TBC1D8: variants seen among roughly 807,000 people sequenced by gnomAD.
TBC1D8 encodes the protein TBC1 domain family member 8.
TBC1D8 carries 65 observed loss-of-function variants against 118.8 expected under a neutral mutation model. The ratio of observed to expected loss-of-function variants is 0.55; its 90% CI spans 0.45 to 0.67. The LOEUF (loss-of-function observed/expected upper bound fraction) is 0.67, where lower values mean the gene tolerates loss of function less well. Ranked by LOEUF, TBC1D8 falls within the 30% of genes least tolerant of loss-of-function variation. The pLI, the probability that TBC1D8 is intolerant of heterozygous loss-of-function variation, is 0.00. For missense variants in TBC1D8, 1,376 were observed against 1,471.2 expected (o/e 0.94, Z 1.06); for synonymous variants, 566 against 595.8 (o/e 0.95, Z 0.73).
chr2:101,023,650 C>A (rs1158170830), intron 15 of TBC1D8: 2 of 427,450 alleles, frequency 4.7e-6, no homozygotes, highest in Non-Finnish European at 9.5e-6. Context: ...GAGTTGAAGT[C>A]TTGGGAATAG....
chr2:101,022,182 T>G, intron 16 of TBC1D8, 99 bp downstream of exon 16: 1 of 1,557,682 alleles, frequency 6.4e-7, no homozygotes. Context: ...ACAAAAGTGT[T>G]ACACCATGTG....
rs186573366 is a variant in TBC1D8 at position 101,076,962 on chromosome 2, G to T, written c.283+13247C>A. 3.6e-3 allele frequency among the ~76,000 whole-genome samples: 555 copies of T among 152,268 alleles called. 6 individuals are homozygous for T. The highest frequency in any genetic ancestry group is 0.011 in the African/African-American group (475 of 41,542). On this transcript the variant is annotated intron_variant, in intron 2 of 19. Coordinates refer to ENST00000409318, the MANE Select transcript of TBC1D8 (RefSeq NM_001330348.2). ...TTCCAATCATGCTGGAAGGCAAAGG[G>T]GGACATTTCACATGGTGGGAGCAGG...
chr2:101,107,145 A>T (rs1677274038), intron 1 of TBC1D8, among the ~76,000 whole-genome samples: 1 of 152,172 alleles, frequency 6.6e-6, no homozygotes, highest in Admixed American at 6.5e-5. Flanking sequence ...CTGCAGTAGG[A>T]GCTTATAGAC....
intron 9 of TBC1D8, among the ~76,000 whole-genome samples, chr2:101,034,910 G>A (rs2105392937): frequency 6.6e-6 from 1 of 152,324 alleles, no homozygotes; most frequent in South Asian, 2.1e-4. Flanking sequence ...GAGATGAGGG[G>A]CGCAGTGGTG....
rs149925100 is a variant in TBC1D8, at chr2:101,051,026, G to A, written c.632-385C>T. On this transcript the variant is annotated intron_variant, in intron 4 of 19. Coordinates refer to ENST00000409318, the MANE Select transcript of TBC1D8 (RefSeq NM_001330348.2). ...AACATGCGGTATTTGGTTTTCTTGC[G>A]TGTTAATTTGCAAAGCATAATGGCC... Among the ~76,000 whole-genome samples, 271 of 152,242 alleles carry A rather than the reference G, an allele frequency of 1.8e-3. 3 individuals carry two copies. The highest frequency in any genetic ancestry group is 4.6e-3 in the East Asian group (24 of 5,174).
intron 2 of TBC1D8, among the ~76,000 whole-genome samples, chr2:101,059,970 G>A (rs1682669481): frequency 6.6e-6 from 1 of 152,128 alleles, no homozygotes; most frequent in African/African-American, 2.4e-5. Flanking sequence ...CTCATACCCT[G>A]GGCCACAGTT....
rs1037521390 is a variant in TBC1D8 at position 101,135,257 on chromosome 2, A to G, written c.127+15870T>C. Among the ~76,000 whole-genome samples, 3 of 152,372 alleles carry G rather than the reference A, an allele frequency of 2.0e-5. No homozygotes were observed. The East Asian group carries it at 5.8e-4, about 29-fold the overall frequency. ...TTGTCAAAGAGAACCTTCCAGTTCT[A>G]CAAGAGGCTCTCCAACCCCTTTTCT... is the stretch of plus-strand genomic sequence containing the variant. On this transcript the variant is annotated intron_variant, in intron 1 of 19. Coordinates refer to ENST00000409318, the MANE Select transcript of TBC1D8 (RefSeq NM_001330348.2).
chr2:101,053,507 A>G (rs1279848148), intron 4 of TBC1D8, among the ~76,000 whole-genome samples: 1 of 152,234 alleles, frequency 6.6e-6, no homozygotes, highest in Non-Finnish European at 1.5e-5. Context: ...CACTTGAAAC[A>G]ATATTTGGTT....
intron 19 of TBC1D8, among the ~76,000 whole-genome samples, chr2:101,009,799 CTT>C (rs1431446422): frequency 6.6e-6 from 1 of 150,824 alleles, no homozygotes; most frequent in Non-Finnish European, 1.5e-5. Context: ...ACCAAAATGA[CTT>C]AAGTCCTATA....
At chr2:101,137,616 T>C (rs925442421) in intron 1 of TBC1D8, among the ~76,000 whole-genome samples, 3 of 152,220 alleles carry the variant, frequency 2.0e-5, no homozygotes, top group African/African-American at 7.2e-5. Flanking sequence ...ATAGTCCTTC[T>C]GGAAATAGAT....
intron 2 of TBC1D8, among the ~76,000 whole-genome samples, chr2:101,079,522 G>A (rs143125674): frequency 8.0e-5 from 12 of 150,556 alleles, no homozygotes; most frequent in South Asian, 2.1e-4. Flanking sequence ...CTACAGGTGC[G>A]CTCCACCACG....
At chr2:101,096,417 G>GAAAAA (rs1676425356) in intron 1 of TBC1D8, among the ~76,000 whole-genome samples, 1 of 4,822 alleles carries the variant, frequency 2.1e-4, no homozygotes, top group Admixed American at 3.0e-3. Context: ...TCTGGCTTTT[G>GAAAAA]ACAAAAAAAA....
intron 2 of TBC1D8, among the ~76,000 whole-genome samples, chr2:101,086,286 A>C (rs1311391151): frequency 6.6e-6 from 1 of 152,238 alleles, no homozygotes; most frequent in African/African-American, 2.4e-5. Flanking sequence ...AACAAAAAAC[A>C]GAAATGAAAA....
intron 2 of TBC1D8, among the ~76,000 whole-genome samples, chr2:101,065,206 C>G (rs568058849): frequency 6.6e-6 from 1 of 152,324 alleles, no homozygotes; most frequent in South Asian, 2.1e-4. Flanking sequence ...TAAGTGCCTT[C>G]TCCAGCCACC....
chr2:101,051,330 C>A (rs1682061588), intron 4 of TBC1D8, among the ~76,000 whole-genome samples: 1 of 152,130 alleles, frequency 6.6e-6, no homozygotes, highest in Admixed American at 6.6e-5. Flanking sequence ...GAAGAATTGC[C>A]ACACTGTTTT....
Position 101,027,973 on chromosome 2 carries a change from T to C in TBC1D8, c.2451+75A>G, listed in dbSNP as rs1460800157. On this transcript the variant is annotated intron_variant, in intron 14 of 19. Transcript: ENST00000409318. ...ACATTTTTCAAAGCTGGCATTCTTATGACCAAAAAGGATGCGCACTCCCAG... is the reference window on the plus strand; with the variant it reads ...ACATTTTTCAAAGCTGGCATTCTTACGACCAAAAAGGATGCGCACTCCCAG... 12 of 1,344,440 alleles carry C rather than the reference T, an allele frequency of 8.9e-6. No homozygotes were observed. In the Admixed American group the frequency reaches 1.3e-4, roughly 15 times the overall value. The allele number at this position is 1,344,440 out of a possible 1,614,324, so 83.3% of individuals were successfully genotyped here.
intron 4 of TBC1D8, 64 bp from the exon 5 acceptor site, chr2:101,050,705 A>G: frequency 1.3e-6 from 2 of 1,576,474 alleles, no homozygotes; most frequent in South Asian, 2.3e-5. Flanking sequence ...TGAGTGTGTC[A>G]GCAAGCAACT....
At position 101,040,304 on chromosome 2, in the gene TBC1D8, C is replaced by G; in HGVS notation, c.954G>C (p.Val318=). ...TGAACGGCGTCCAGAGCGAACAGTC[C>G]ACAACCGCGTGCAGCTTCTCCTTCC... ...LPRKEKLHAV[V]DCSLWTPFSR... The change falls in exon 6 of 20, where the codon GTG becomes GTC. Residue 318 remains valine (V), a synonymous_variant. Coordinates refer to ENST00000409318, the MANE Select transcript of TBC1D8 (RefSeq NM_001330348.2). 1 of 1,614,002 alleles carries G rather than the reference C, an allele frequency of 6.2e-7. No homozygotes were observed. Among genetic ancestry groups the G allele is most frequent in the Non-Finnish European group, 8.5e-7 (1 of 1,179,896 alleles).
At chr2:101,080,212 T>G (rs550592693) in intron 2 of TBC1D8, among the ~76,000 whole-genome samples, 46 of 152,090 alleles carry the variant, frequency 3.0e-4, no homozygotes, top group Non-Finnish European at 6.0e-4. Context: ...AAAAGAAACG[T>G]GAACCGCAGC....
Sources: gnomAD v4.1 joint callset for allele counts (sites outside exome capture counted in the v4.1 genomes callset) on GRCh38, gnomAD v4.1.1 for gene constraint, MANE v1.5 for transcripts, NCBI Gene and HGNC (gene_info 2026-07-23, HGNC 2026-07-21) for gene names.